REDIC1: variants seen among roughly 807,000 people sequenced by gnomAD.
REDIC1 encodes the protein regulator of DNA class I crossover intermediates 1.
At chr12:39,712,162 G>GTACATGTATATATACCTGTATGTATATT in the REDIC1 span, among the ~76,000 whole-genome samples, 2 of 130,966 alleles carry the variant, frequency 1.5e-5, no homozygotes, top group Non-Finnish European at 3.4e-5. Context: ...ACATGTATAT[G>GTACATGTATATATACCTGTATGTATATT]TACATGTATA....
the REDIC1 span, among the ~76,000 whole-genome samples, chr12:39,768,673 C>T: frequency 3.0e-4 from 45 of 152,074 alleles, no homozygotes; most frequent in African/African-American, 9.2e-4. Flanking sequence ...AGTTTGACGT[C>T]TTATACGGGT....
chr12:39,659,821 T>A, the REDIC1 span, among the ~76,000 whole-genome samples: 2,716 of 152,268 alleles, frequency 0.018, 79 homozygotes, highest in African/African-American at 0.061. Context: ...TTCTATACAT[T>A]ATGAATTTTT....
At chr12:39,890,028 A>T in the REDIC1 span, among the ~76,000 whole-genome samples, 3 of 152,322 alleles carry the variant, frequency 2.0e-5, no homozygotes, top group African/African-American at 2.4e-5. Context: ...AGAAGTAGCA[A>T]GAAAATTACT....
At chr12:39,771,930 G>A in the REDIC1 span, among the ~76,000 whole-genome samples, 2 of 151,928 alleles carry the variant, frequency 1.3e-5, no homozygotes, top group African/African-American at 2.4e-5. Flanking sequence ...TACTCATGAC[G>A]TTTCCTGTAA....
the REDIC1 span, among the ~76,000 whole-genome samples, chr12:39,738,334 CCTT>C: frequency 6.6e-6 from 1 of 152,048 alleles, no homozygotes; most frequent in Admixed American, 6.6e-5. Context: ...TATTTGCCAC[CCTT>C]CTTTTAAGAA....
the REDIC1 span, among the ~76,000 whole-genome samples, chr12:39,799,315 G>C: frequency 7.1e-6 from 1 of 140,702 alleles, no homozygotes; most frequent in Admixed American, 7.3e-5. Context: ...TCGCTGTGTT[G>C]GCCAGGCTGG....
At chr12:39,862,789 G>A in the REDIC1 span, among the ~76,000 whole-genome samples, 124 of 152,246 alleles carry the variant, frequency 8.1e-4, no homozygotes, top group African/African-American at 2.8e-3. Context: ...TATACAATGT[G>A]TAATGATCAA....
At chr12:39,696,570 A>T in the REDIC1 span, among the ~76,000 whole-genome samples, 1 of 141,334 alleles carries the variant, frequency 7.1e-6, no homozygotes, top group African/African-American at 2.7e-5. Context: ...AAAAAAAAAA[A>T]AAAAAAAAAA....
the REDIC1 span, among the ~76,000 whole-genome samples, chr12:39,741,553 C>T: frequency 4.9e-4 from 74 of 152,088 alleles, no homozygotes; most frequent in African/African-American, 1.7e-3. Context: ...TTTAAAGAGG[C>T]TTATTTTGAG....
the REDIC1 span, among the ~76,000 whole-genome samples, chr12:39,711,798 C>A: frequency 7.8e-6 from 1 of 127,570 alleles, no homozygotes; most frequent in African/African-American, 2.9e-5. Context: ...TGTGTGTACA[C>A]ATGCATGTGT....
At chr12:39,712,102 C>CGGTA in the REDIC1 span, among the ~76,000 whole-genome samples, 22 of 108,234 alleles carry the variant, frequency 2.0e-4, no homozygotes, top group Non-Finnish European at 3.1e-4. Flanking sequence ...ACATATATAC[C>CGGTA]TGTATATATA....
chr12:39,837,755 G>A, the REDIC1 span, among the ~76,000 whole-genome samples: 11 of 152,098 alleles, frequency 7.2e-5, no homozygotes, highest in African/African-American at 2.4e-4. Flanking sequence ...CATCATCACT[G>A]GCCATCAGAG....
the REDIC1 span, among the ~76,000 whole-genome samples, chr12:39,772,400 C>T: frequency 2.6e-5 from 4 of 152,138 alleles, no homozygotes; most frequent in African/African-American, 9.6e-5. Context: ...AAAGAATAAT[C>T]ACCGTGCTAT....
At chr12:39,645,616 C>A in the REDIC1 span, among the ~76,000 whole-genome samples, 1 of 152,000 alleles carries the variant, frequency 6.6e-6, no homozygotes, top group Non-Finnish European at 1.5e-5. Context: ...TTTTAAAATT[C>A]CACTGTAAGA....
chr12:39,899,546 T>A, the REDIC1 span, among the ~76,000 whole-genome samples: 2 of 152,184 alleles, frequency 1.3e-5, no homozygotes, highest in African/African-American at 4.8e-5. Context: ...TTGCTCTTGC[T>A]TTTCTAGTTC....
At chr12:39,707,488 T>A in the REDIC1 span, among the ~76,000 whole-genome samples, 1 of 151,848 alleles carries the variant, frequency 6.6e-6, no homozygotes, top group Non-Finnish European at 1.5e-5. Context: ...TACCATATGA[T>A]CAAGCATCCC....
the REDIC1 span, among the ~76,000 whole-genome samples, chr12:39,784,429 C>G: frequency 0.033 from 5,080 of 152,276 alleles, 300 homozygotes; most frequent in African/African-American, 0.12. Flanking sequence ...CACACATCTA[C>G]AACCATCTGA....
chr12:39,746,851 C>G, the REDIC1 span, among the ~76,000 whole-genome samples: 1 of 152,248 alleles, frequency 6.6e-6, no homozygotes, highest in Non-Finnish European at 1.5e-5. Flanking sequence ...TCCAACAGAC[C>G]TGCAGCTGAG....
chr12:39,902,389 T>C, the REDIC1 span, among the ~76,000 whole-genome samples: 67,917 of 151,686 alleles, frequency 0.45, 15,537 homozygotes, highest in East Asian at 0.76. Flanking sequence ...GATATGTACA[T>C]ACACATGAAG....
Sources: allele counts gnomAD v4.1 joint callset (sites outside exome capture counted in the v4.1 genomes callset), GRCh38; gene constraint gnomAD v4.1.1; transcripts MANE v1.5; gene names NCBI Gene and HGNC (gene_info 2026-07-23, HGNC 2026-07-21).